SLC38A1: variants seen among roughly 807,000 people sequenced by gnomAD.
SLC38A1 encodes sodium-coupled neutral amino acid symporter 1.
SLC38A1 carries 18 observed loss-of-function variants against 60.3 expected under a neutral mutation model. That is an observed-to-expected ratio of 0.30 (90% CI 0.21 to 0.44). The LOEUF (loss-of-function observed/expected upper bound fraction) is 0.44. SLC38A1 is among the 20% of genes least tolerant of loss of function. SLC38A1 has a pLI of 1.00. For missense variants in SLC38A1, 448 were observed against 587.2 expected (o/e 0.76, Z 2.45); for synonymous variants, 196 against 212.1 (o/e 0.92, Z 0.66).
intron 12 of SLC38A1, among the ~76,000 whole-genome samples, 156 bp downstream of exon 12, chr12:46,202,854 T>C (rs1939723406): frequency 6.6e-6 from 1 of 152,370 alleles, no homozygotes; most frequent in Non-Finnish European, 1.5e-5. Context: ...TAAAATACAA[T>C]GCTTGTTTAA....
intron 14 of SLC38A1, among the ~76,000 whole-genome samples, 169 bp downstream of exon 14, chr12:46,198,456 C>A (rs1939487967): frequency 6.6e-6 from 1 of 152,106 alleles, no homozygotes; most frequent in Non-Finnish European, 1.5e-5. Flanking sequence ...GCACTGAATG[C>A]CACTTGCTTT....
intron 16 of SLC38A1, among the ~76,000 whole-genome samples, chr12:46,194,721 G>A (rs1037033661): frequency 6.6e-6 from 1 of 152,046 alleles, no homozygotes; most frequent in African/African-American, 2.4e-5. Flanking sequence ...GATCGAATCG[G>A]CTATTGAAGC....
chr12:46,219,314 A>G (rs1822741), intron 5 of SLC38A1, among the ~76,000 whole-genome samples: 27,216 of 152,192 alleles, frequency 0.18, 4,120 homozygotes, highest in East Asian at 0.46. Context: ...TTGCAAAGGC[A>G]GTTTCAGTTT....
At chr12:46,254,222 C>T (rs1272356607) in intron 1 of SLC38A1, among the ~76,000 whole-genome samples, 2 of 152,158 alleles carry the variant, frequency 1.3e-5, no homozygotes, top group South Asian at 2.1e-4. Context: ...TTACTCATCC[C>T]TCTTGTTTCT....
chr12:46,193,296 C>G (rs1939223657), intron 16 of SLC38A1, among the ~76,000 whole-genome samples: 1 of 152,164 alleles, frequency 6.6e-6, no homozygotes, highest in Admixed American at 6.5e-5. Flanking sequence ...GTCTAAGAGA[C>G]AGTTTGCTGT....
At chr12:46,218,962 G>C (rs765350237) in intron 5 of SLC38A1, among the ~76,000 whole-genome samples, 1 of 152,128 alleles carries the variant, frequency 6.6e-6, no homozygotes, top group Non-Finnish European at 1.5e-5. Context: ...AATATCTCAA[G>C]CACTGATCTT....
rs139899240 is a variant in SLC38A1 at position 46,216,260 on chromosome 12, T to C, written c.315-7133A>G. On this transcript the variant is annotated intron_variant, in intron 5 of 16. Coordinates refer to ENST00000398637, the MANE Select transcript of SLC38A1 (RefSeq NM_030674.4). ...CTGTATAAAGATTTGAAAACATTGT[T>C]GAAGAGACTAGAACACTAGCTGAAA... 8.7e-3 allele frequency among the ~76,000 whole-genome samples: 1,330 copies of C among 152,226 alleles called. 16 individuals carry two copies. The highest frequency in any genetic ancestry group is 0.03 in the African/African-American group (1,243 of 41,520).
chr12:46,262,600 T>C (rs568898783), intron 1 of SLC38A1, among the ~76,000 whole-genome samples: 1 of 152,360 alleles, frequency 6.6e-6, no homozygotes, highest in South Asian at 2.1e-4. Flanking sequence ...AAGATATTTC[T>C]GATCAAGGAT....
chr12:46,226,582 TA>T (rs1272518668), intron 5 of SLC38A1, among the ~76,000 whole-genome samples: 3 of 148,234 alleles, frequency 2.0e-5, no homozygotes, highest in Non-Finnish European at 3.0e-5. Flanking sequence ...CACAATAATG[TA>T]AAAAAATTTC....
At chr12:46,200,370 C>T (rs1369915901) in intron 13 of SLC38A1, among the ~76,000 whole-genome samples, 3 of 149,410 alleles carry the variant, frequency 2.0e-5, no homozygotes, top group African/African-American at 7.4e-5. Flanking sequence ...GAAATACATA[C>T]ATATATATAT....
intron 1 of SLC38A1, among the ~76,000 whole-genome samples, chr12:46,252,554 T>G (rs1941887352): frequency 6.6e-6 from 1 of 151,778 alleles, no homozygotes; most frequent in African/African-American, 2.4e-5. Flanking sequence ...TTAATTTATT[T>G]AAAAATAATT....
chr12:46,206,894 G>T (rs1939929927), intron 8 of SLC38A1, among the ~76,000 whole-genome samples: 1 of 152,182 alleles, frequency 6.6e-6, no homozygotes, highest in Admixed American at 6.5e-5. Flanking sequence ...ACTAGATATA[G>T]ATTTCAGGCT....
Position 46,269,039 on chromosome 12 carries a change from T to G in SLC38A1, c.-722A>C, listed in dbSNP as rs1051958284. On this transcript the variant is annotated 5_prime_UTR_variant, in exon 1 of 17. Transcript: ENST00000398637. ...CCCGCTCTTTAACCAAAGCTGCGTGTCAGTGAGCCGTGCCGGTCACATGGT... is the reference window on the plus strand; with the variant it reads ...CCCGCTCTTTAACCAAAGCTGCGTGGCAGTGAGCCGTGCCGGTCACATGGT... The G allele has an allele frequency of 6.6e-6, 2 of 305,288 alleles. No homozygotes were observed. The highest frequency in any genetic ancestry group is 1.4e-5 in the Non-Finnish European group (2 of 139,378). 18.9% of individuals were successfully genotyped at this position (305,288 alleles called of 1,614,324 possible).
In SLC38A1 at chr12:46,189,083, G is replaced by A. The variant is rs1172751462; in HGVS notation, c.1363-12C>T. 1 of 1,611,302 alleles carries A rather than the reference G, an allele frequency of 6.2e-7. No homozygotes were observed. Among genetic ancestry groups the A allele is most frequent in the Non-Finnish European group, 8.5e-7 (1 of 1,177,972 alleles). ...AAGAAAAGGGCAGCCTGGAGCAAGA[G>A]AAAGGCAAGGGTTATTTTCAGTGCA... On this transcript the variant is annotated splice_polypyrimidine_tract_variant and intron_variant, in intron 16 of 16. Coordinates refer to ENST00000398637, the MANE Select transcript of SLC38A1 (RefSeq NM_030674.4).
intron 12 of SLC38A1, 72 bp downstream of exon 12, chr12:46,202,938 T>A (rs1174394461): frequency 8.6e-7 from 1 of 1,166,950 alleles, no homozygotes; most frequent in Non-Finnish European, 1.3e-6. Context: ...GTCCGTTTAT[T>A]TTAATTGCAT....
In SLC38A1 at chr12:46,264,325, TA is replaced by T. The variant is rs1447525584; in HGVS notation, c.-209+4200del. The stretch of plus-strand genomic sequence containing the variant: ...ATTGGACAGATGAGAAAATGAGGCA[TA>T]AAAATGTGAAATGAGTTGCTCAAGG... On this transcript the variant is annotated intron_variant, in intron 1 of 16. Transcript: ENST00000398637. Among the ~76,000 whole-genome samples, 3 of 152,300 alleles carry T rather than the reference TA, an allele frequency of 2.0e-5. No homozygotes were observed. In the East Asian group the frequency reaches 5.8e-4, roughly 29 times the overall value.
At chr12:46,213,740 C>T (rs1240495750) in intron 5 of SLC38A1, among the ~76,000 whole-genome samples, 2 of 152,232 alleles carry the variant, frequency 1.3e-5, no homozygotes, top group Non-Finnish European at 1.5e-5. Flanking sequence ...TCCTCACATC[C>T]GTCTTCCACC....
At chr12:46,245,965 T>C (rs770891981) in intron 1 of SLC38A1, among the ~76,000 whole-genome samples, 2 of 152,224 alleles carry the variant, frequency 1.3e-5, no homozygotes, top group Non-Finnish European at 2.9e-5. Flanking sequence ...TTGTGTATTG[T>C]ATTGTAAGCA....
intron 2 of SLC38A1, 127 bp from the exon 3 acceptor site, chr12:46,240,020 T>C: frequency 2.0e-6 from 1 of 493,822 alleles, no homozygotes; most frequent in Admixed American, 3.3e-5. Flanking sequence ...ACTAGATGCA[T>C]TAAAGCAATC....
Sources: allele counts gnomAD v4.1 joint callset (sites outside exome capture counted in the v4.1 genomes callset), GRCh38; gene constraint gnomAD v4.1.1; transcripts MANE v1.5; gene names NCBI Gene and HGNC (gene_info 2026-07-23, HGNC 2026-07-21).